The following ADAMTSL2 variants were observed in gnomAD, a reference collection of about 807,000 sequenced individuals.
ADAMTSL2 encodes ADAMTS like 2.
A neutral mutation model predicts 117.0 loss-of-function variants in ADAMTSL2; 55 were observed. The observed-to-expected ratio is 0.47, with a 90% CI of 0.38 to 0.59. The LOEUF is 0.59. ADAMTSL2 is among the 20% of genes least tolerant of loss of function. The probability of loss-of-function intolerance (pLI) is 0.00; values close to 1 mark genes in which losing one functional copy is unlikely to be tolerated. For missense variants in ADAMTSL2, 1,182 were observed against 1,354.5 expected, an observed-to-expected ratio of 0.87 and a Z score of 2.00; for synonymous variants, 572 against 566.4, an observed-to-expected ratio of 1.01 and a Z score of -0.14.
chr9:133,574,338 CAG>C (rs1291135061), intron 18 of ADAMTSL2, among the ~76,000 whole-genome samples: 6 of 152,162 alleles, frequency 3.9e-5, no homozygotes, highest in Non-Finnish European at 7.4e-5. Flanking sequence ...GGCTGGCACA[CAG>C]GGGGCAGGGA....
At chr9:133,552,282 C>T (rs995144934) in intron 9 of ADAMTSL2, among the ~76,000 whole-genome samples, 5 of 152,148 alleles carry the variant, frequency 3.3e-5, no homozygotes, top group South Asian at 2.1e-4. Context: ...CCCTAGCCCG[C>T]GGAACCCTGA....
At chr9:133,568,156 G>A (rs1482983033) in intron 13 of ADAMTSL2, 117 bp from the exon 14 acceptor site, 57 of 1,067,170 alleles carry the variant, frequency 5.3e-5, no homozygotes, top group Middle Eastern at 2.8e-4. Context: ...TGTTGTGTGC[G>A]GTTTTGGACC....
chr9:133,573,831 C>T lies in ADAMTSL2; in HGVS notation c.2593-12C>T, dbSNP rs1831166013. 6.2e-7 allele frequency: 1 copy of T among 1,613,898 alleles called. No individual in the cohort carries two copies. Among genetic ancestry groups the T allele is most frequent in the Admixed American group, 1.7e-5 (1 of 60,008 alleles). The stretch of plus-strand genomic sequence containing the variant: ...GAGGCTTTCCCCATGCCTTCTGTCT[C>T]TCCCACACCAGTGCACCAAGACCTG... On this transcript the variant is annotated splice_polypyrimidine_tract_variant and intron_variant, in intron 17 of 18. Coordinates refer to ENST00000651351, the MANE Select transcript of ADAMTSL2 (RefSeq NM_014694.4).
chr9:133,565,196 T>C (rs1433880397), intron 12 of ADAMTSL2, among the ~76,000 whole-genome samples: 3 of 152,024 alleles, frequency 2.0e-5, no homozygotes, highest in African/African-American at 7.3e-5. Context: ...AAAGCACCGT[T>C]TTCGAGATGG....
chr9:133,550,077 C>T (rs562028675), intron 9 of ADAMTSL2, among the ~76,000 whole-genome samples: 1 of 152,368 alleles, frequency 6.6e-6, no homozygotes, highest in South Asian at 2.1e-4. Context: ...CTTGCACCCA[C>T]ATCCGCTTTC....
chr9:133,566,042 G>T (rs1029211230), intron 12 of ADAMTSL2, among the ~76,000 whole-genome samples: 21 of 152,178 alleles, frequency 1.4e-4, no homozygotes, highest in Non-Finnish European at 2.8e-4. Flanking sequence ...GTGGAGATGT[G>T]GTCAAGGAAG....
rs1830623850 is a variant in ADAMTSL2 at position 133,557,282 on chromosome 9, C to T, written c.1649+1352C>T. On this transcript the variant is annotated intron_variant, in intron 11 of 18. Coordinates refer to ENST00000651351, the MANE Select transcript of ADAMTSL2 (RefSeq NM_014694.4). This position sits in a 1 kb window ranked among gnomAD's most constrained non-coding sequence, Gnocchi z 5.2. ...CTGTTTTCTGAGGCCACCGAGGTGC[C>T]TGGGGCTGCGGGGTGCAGGGAGGAT... Among the ~76,000 whole-genome samples, 1 of 152,174 alleles carries T rather than the reference C, an allele frequency of 6.6e-6. No individual in the cohort carries two copies. Among genetic ancestry groups the T allele is most frequent in the South Asian group, 2.1e-4 (1 of 4,830 alleles).
upstream of ADAMTSL2, among the ~76,000 whole-genome samples, chr9:133,532,844 C>T (rs1000949413): frequency 5.3e-4 from 80 of 152,154 alleles, 1 homozygote; most frequent in African/African-American, 1.8e-3. Context: ...CACACACCTG[C>T]AGGAGGTCAC....
At position 133,569,476 on chromosome 9, in the gene ADAMTSL2, A is replaced by G. The variant is rs1064975; in HGVS notation, c.2313A>G (p.Val771=). 910,001 of 1,612,708 alleles carry G rather than the reference A, an allele frequency of 0.56. 265,501 individuals carry two copies. The highest frequency in any genetic ancestry group is 0.76 in the African/African-American group (57,243 of 74,974). ...HVYCKTSDGR[V]VPESQCQMET... ...ACTGCAAGACCAGCGACGGACGGGT[A>G]GTACCTGAGTCCCAGTGCCAGATGG... Residue 771 remains valine (V), a synonymous_variant, in exon 16 of 19, where the codon GTA becomes GTG. Transcript: ENST00000651351.
At chr9:133,550,592 CAGGA>C (rs1830459359) in intron 9 of ADAMTSL2, among the ~76,000 whole-genome samples, 1 of 152,082 alleles carries the variant, frequency 6.6e-6, no homozygotes, top group Non-Finnish European at 1.5e-5. Context: ...CTTCCCCTTC[CAGGA>C]TGGAAGGGGT....
At chr9:133,538,252 C>A (rs190066215) in intron 3 of ADAMTSL2, 97 bp from the exon 4 acceptor site, 43 of 1,430,238 alleles carry the variant, frequency 3.0e-5, no homozygotes, top group Non-Finnish European at 3.8e-5. Flanking sequence ...TCACGGGTAT[C>A]GGGAGATTCT....
chr9:133,540,895 G>A lies in ADAMTSL2; in HGVS notation c.576G>A (p.Gly192=). 5 of 1,613,412 alleles carry A rather than the reference G, an allele frequency of 3.1e-6. No homozygotes were observed. The highest frequency in any genetic ancestry group is 2.7e-5 in the African/African-American group (2 of 75,040). Residue 192 remains glycine (G), a synonymous_variant, in exon 7 of 19, where the codon GGG becomes GGA. Transcript: ENST00000651351. ...TCCTGCAGCCCATCGGCTGTGACGGGGTGCTTTTCTCCACCCACACACTGG... is the reference window on the plus strand; with the variant it reads ...TCCTGCAGCCCATCGGCTGTGACGGAGTGCTTTTCTCCACCCACACACTGG... ...SGKCEPIGCD[G]VLFSTHTLDK...
Position 133,570,311 on chromosome 9 carries a change from T to G in ADAMTSL2, c.2416-20T>G. 1 of 1,539,454 alleles carries G rather than the reference T, an allele frequency of 6.5e-7. No homozygotes were observed. The highest frequency in any genetic ancestry group is 8.7e-7 in the Non-Finnish European group (1 of 1,146,374). On this transcript the variant is annotated intron_variant, in intron 16 of 18. Transcript: ENST00000651351. ...CTGCTGGGCCCTGGCGCTGACCCGC[T>G]CCCTCTGCCCCGGCCTCAGTGCAAC... is the stretch of plus-strand genomic sequence containing the variant.
At chr9:133,544,058 C>T (rs1360894657) in intron 7 of ADAMTSL2, among the ~76,000 whole-genome samples, 3 of 152,210 alleles carry the variant, frequency 2.0e-5, no homozygotes, top group Non-Finnish European at 4.4e-5. Context: ...TGAAAGTCAA[C>T]GTGTTGTTGT....
At chr9:133,537,065 C>T (rs560650174) in intron 2 of ADAMTSL2, among the ~76,000 whole-genome samples, 20 of 152,318 alleles carry the variant, frequency 1.3e-4, no homozygotes, top group Non-Finnish European at 2.4e-4. Context: ...GGCCCCAGCA[C>T]GGCCAGGGTA....
At chr9:133,564,739 A>G (rs1463281540) in intron 12 of ADAMTSL2, among the ~76,000 whole-genome samples, 1 of 150,884 alleles carries the variant, frequency 6.6e-6, no homozygotes, top group South Asian at 2.1e-4. Context: ...AGAGAGAGAG[A>G]AAGGGAGGGC....
At chr9:133,570,779 T>C (rs923545651) in intron 17 of ADAMTSL2, among the ~76,000 whole-genome samples, 2 of 152,198 alleles carry the variant, frequency 1.3e-5, no homozygotes, top group Non-Finnish European at 2.9e-5. Context: ...GGCCTCGAAT[T>C]GTGGCCTCTA....
intron 7 of ADAMTSL2, among the ~76,000 whole-genome samples, chr9:133,543,671 G>A (rs1042899413): frequency 2.0e-5 from 3 of 152,214 alleles, no homozygotes; most frequent in Admixed American, 6.5e-5. Context: ...GGAATCCTCC[G>A]TTCCCAGAGG....
intron 4 of ADAMTSL2, 112 bp from the exon 5 acceptor site, chr9:133,539,659 G>GTCCCGGCTA: frequency 9.7e-7 from 1 of 1,032,824 alleles, no homozygotes; most frequent in Non-Finnish European, 1.4e-6. Context: ...CCGCACGGCT[G>GTCCCGGCTA]TCCCGGCTGT....
Sources: gnomAD v4.1 joint callset for allele counts (sites outside exome capture counted in the v4.1 genomes callset) on GRCh38, gnomAD v4.1.1 for gene constraint, Gnocchi (gnomAD v3.1) non-coding constraint, MANE v1.5 for transcripts, NCBI Gene and HGNC (gene_info 2026-07-23, HGNC 2026-07-21) for gene names.